NKAIN3: variants seen among roughly 807,000 people sequenced by gnomAD.
NKAIN3 encodes sodium/potassium-transporting ATPase subunit beta-1-interacting protein 3.
In NKAIN3, 25 loss-of-function variants were observed where a neutral mutation model predicts 30.2. The ratio of observed to expected loss-of-function variants is 0.83; its 90% CI spans 0.60 to 1.16. NKAIN3 has a LOEUF of 1.16. Among genes scored for constraint, NKAIN3 ranks in the 50% most tolerant of loss-of-function variants. The pLI is 0.00. For synonymous variants in NKAIN3, 91 were observed against 89.6 expected (o/e 1.02, Z -0.09); for missense variants, 225 against 254.1 (o/e 0.89, Z 0.78).
intron 3 of NKAIN3, among the ~76,000 whole-genome samples, chr8:62,717,765 T>C (rs556024533): frequency 3.3e-5 from 5 of 152,334 alleles, no homozygotes; most frequent in African/African-American, 9.6e-5. Flanking sequence ...AAAAAATCTT[T>C]GTGATGGTGA....
At chr8:62,505,821 CAA>C (rs1563430541) in intron 1 of NKAIN3, among the ~76,000 whole-genome samples, 1 of 151,984 alleles carries the variant, frequency 6.6e-6, no homozygotes, top group African/African-American at 2.4e-5. Context: ...TTAAAATAAC[CAA>C]AGTTATCTTA....
At chr8:62,783,922 G>A (rs1817436582) in intron 4 of NKAIN3, among the ~76,000 whole-genome samples, 1 of 152,030 alleles carries the variant, frequency 6.6e-6, no homozygotes, top group South Asian at 2.1e-4. Flanking sequence ...TGGGATTGCA[G>A]GCATGTGCCA....
chr8:62,734,798 T>C (rs1388962530), intron 3 of NKAIN3, among the ~76,000 whole-genome samples: 1 of 152,218 alleles, frequency 6.6e-6, no homozygotes, highest in Non-Finnish European at 1.5e-5. Context: ...CCAGAATAGC[T>C]AAGAGTCACG....
chr8:62,310,989 C>A lies in NKAIN3; in HGVS notation c.54+61862C>A, dbSNP rs548796924. ...CGACTGAGTCAGGAACAAATAGTGC[C>A]ATACAATTTCTAGACAACAGAGAGG... is the stretch of plus-strand genomic sequence containing the variant. On this transcript the variant is annotated intron_variant, in intron 1 of 6. Transcript: ENST00000623646. Among the ~76,000 whole-genome samples, 28 of 150,530 alleles carry A rather than the reference C, an allele frequency of 1.9e-4. 3 individuals are homozygous for A. Among genetic ancestry groups the A allele is most frequent in the African/African-American group, 6.8e-4 (27 of 39,918 alleles).
chr8:62,638,740 C>T (rs1387472875), intron 3 of NKAIN3, among the ~76,000 whole-genome samples: 1 of 152,054 alleles, frequency 6.6e-6, no homozygotes, highest in African/African-American at 2.4e-5. Flanking sequence ...ACCCTGACCC[C>T]ACAACCATAT....
rs1824085854 is a variant in NKAIN3 at position 62,981,759 on chromosome 8, A to AG, written c.*16352_*16353insG. ...AACAGAACTAAGGACCGAAAAAAAA[A>AG]AAAAAAAGATCTCTATCCCAATAGA... On this transcript the variant is annotated 3_prime_UTR_variant, in exon 7 of 7. Coordinates refer to ENST00000623646, the MANE Select transcript of NKAIN3 (RefSeq NM_001304533.3). 6.6e-6 allele frequency: 1 copy of AG among 152,040 alleles called. No individual in the cohort carries two copies. 9.4% of individuals were successfully genotyped at this position (152,040 alleles called of 1,614,324 possible).
At chr8:62,375,326 AT>A (rs1817039297) in intron 1 of NKAIN3, among the ~76,000 whole-genome samples, 1 of 152,212 alleles carries the variant, frequency 6.6e-6, no homozygotes, top group African/African-American at 2.4e-5. Context: ...ATCAATATTG[AT>A]AAGCACTGCA....
At chr8:62,582,420 G>A (rs758566377) in intron 2 of NKAIN3, among the ~76,000 whole-genome samples, 22 of 152,060 alleles carry the variant, frequency 1.4e-4, no homozygotes, top group African/African-American at 1.9e-4. Flanking sequence ...TTGCAACTGC[G>A]ATAAGTGATA....
At chr8:62,863,103 C>A (rs538143891) in intron 4 of NKAIN3, 16 of 1,287,472 alleles carry the variant, frequency 1.2e-5, no homozygotes, top group African/African-American at 2.9e-5. Flanking sequence ...AAGGGTATTC[C>A]CCATCCTGCT....
chr8:62,536,116 G>A (rs1808652403), intron 1 of NKAIN3, among the ~76,000 whole-genome samples: 1 of 152,080 alleles, frequency 6.6e-6, no homozygotes, highest in South Asian at 2.1e-4. Context: ...GTATAGACAT[G>A]CATGAAAAAT....
At chr8:62,763,221 C>T (rs1455783697) in intron 4 of NKAIN3, among the ~76,000 whole-genome samples, 2 of 47,162 alleles carry the variant, frequency 4.2e-5, no homozygotes, top group Non-Finnish European at 9.1e-5. Context: ...GACTCCGTCT[C>T]AAAAAAAAAA....
At chr8:62,943,193 A>C (rs935566364) in intron 5 of NKAIN3, among the ~76,000 whole-genome samples, 1 of 152,128 alleles carries the variant, frequency 6.6e-6, no homozygotes, top group Non-Finnish European at 1.5e-5. Flanking sequence ...CCGCAGGAAA[A>C]AAACAAACAA....
intron 1 of NKAIN3, among the ~76,000 whole-genome samples, chr8:62,523,200 T>G (rs1176170554): frequency 6.6e-6 from 1 of 152,188 alleles, no homozygotes; most frequent in African/African-American, 2.4e-5. Flanking sequence ...TAAAATAACA[T>G]GCCGTACAGA....
chr8:62,349,252 G>A (rs554320187), intron 1 of NKAIN3, among the ~76,000 whole-genome samples: 12 of 152,048 alleles, frequency 7.9e-5, no homozygotes, highest in Non-Finnish European at 1.8e-4. Context: ...GTGCAGCAAG[G>A]GGATTCTTTA....
intron 4 of NKAIN3, among the ~76,000 whole-genome samples, chr8:62,768,328 A>G (rs1399453317): frequency 6.6e-6 from 1 of 152,158 alleles, no homozygotes; most frequent in African/African-American, 2.4e-5. Context: ...GACATCACAG[A>G]CATTTTTGAC....
At chr8:62,700,690 A>G (rs1046684375) in intron 3 of NKAIN3, among the ~76,000 whole-genome samples, 1 of 152,232 alleles carries the variant, frequency 6.6e-6, no homozygotes, top group Non-Finnish European at 1.5e-5. Context: ...GCGAAGCTGT[A>G]TTTACTCAGT....
At chr8:62,466,224 C>T (rs1032195559) in intron 1 of NKAIN3, among the ~76,000 whole-genome samples, 9 of 151,964 alleles carry the variant, frequency 5.9e-5, no homozygotes, top group Non-Finnish European at 1.2e-4. Context: ...TTTGAAAAAG[C>T]AAGTCAATTG....
intron 4 of NKAIN3, among the ~76,000 whole-genome samples, chr8:62,815,012 T>C (rs7837948): frequency 0.028 from 4,200 of 151,508 alleles, 216 homozygotes; most frequent in African/African-American, 0.096. Flanking sequence ...ATCAAATAGA[T>C]GCAATAAAAA....
At chr8:62,962,755 T>G (rs1585627104) in intron 6 of NKAIN3, among the ~76,000 whole-genome samples, 1 of 152,182 alleles carries the variant, frequency 6.6e-6, no homozygotes, top group East Asian at 1.9e-4. Flanking sequence ...TGAGATTTGA[T>G]TTTAAATACT....
Sources: allele counts gnomAD v4.1 joint callset (sites outside exome capture counted in the v4.1 genomes callset), GRCh38; gene constraint gnomAD v4.1.1; transcripts MANE v1.5; gene names NCBI Gene and HGNC (gene_info 2026-07-23, HGNC 2026-07-21).